SH2D4B: variants seen among roughly 807,000 people sequenced by gnomAD.
The protein encoded by SH2D4B is SH2 domain containing 4B.
A neutral mutation model predicts 61.5 loss-of-function variants in SH2D4B; 45 were observed. The observed-to-expected ratio is 0.73, with a 90% CI of 0.58 to 0.94. The LOEUF is 0.94. SH2D4B is among the 40% of genes least tolerant of loss of function. SH2D4B has a pLI of 0.00. For synonymous variants in SH2D4B, 224 were observed against 220.4 expected (o/e 1.02, Z -0.14); for missense variants, 572 against 574.2 (o/e 1.00, Z 0.04).
At chr10:80,609,330 T>A in intron 5 of SH2D4B, 94 bp from the exon 6 acceptor site, 1 of 949,744 alleles carries the variant, frequency 1.1e-6, no homozygotes. Flanking sequence ...TTTACCTTCC[T>A]CTCCCTTCCT....
chr10:80,610,962 G>A (rs1280196281), intron 6 of SH2D4B, among the ~76,000 whole-genome samples: 1 of 151,962 alleles, frequency 6.6e-6, no homozygotes, highest in African/African-American at 2.4e-5. Context: ...CTTGAGGTCA[G>A]GAGTTTGAAA....
Position 80,644,269 on chromosome 10 carries a change from G to C in SH2D4B, c.*184G>C. The C allele has an allele frequency of 1.8e-6, 1 of 563,166 alleles. No homozygotes were observed. The highest frequency in any genetic ancestry group is 3.1e-6 in the Non-Finnish European group (1 of 318,582). 34.9% of individuals were successfully genotyped at this position (563,166 alleles called of 1,614,324 possible). On this transcript the variant is annotated 3_prime_UTR_variant, in exon 8 of 8. Coordinates refer to ENST00000646907, the MANE Select transcript of SH2D4B (RefSeq NM_001388272.1). ...GGCTACTGGTCTCATCCCAGCGATC[G>C]GGACAGAAATTGCTAATAGCTCATG...
chr10:80,596,043 C>G (rs1039244160), intron 4 of SH2D4B, among the ~76,000 whole-genome samples: 1 of 152,178 alleles, frequency 6.6e-6, no homozygotes, highest in East Asian at 1.9e-4. Flanking sequence ...CTCTGTTGAC[C>G]TCTTCCAGCC....
chr10:80,558,263 T>C (rs1438559541), intron 1 of SH2D4B, among the ~76,000 whole-genome samples: 2 of 152,184 alleles, frequency 1.3e-5, no homozygotes, highest in Admixed American at 6.5e-5. Context: ...CTGAGAATCC[T>C]ATCTATCTGG....
At chr10:80,600,346 T>C (rs951555793) in intron 4 of SH2D4B, among the ~76,000 whole-genome samples, 4 of 152,256 alleles carry the variant, frequency 2.6e-5, no homozygotes, top group African/African-American at 9.6e-5. Context: ...CTCTGCAGGA[T>C]GTAACCGGAT....
intron 1 of SH2D4B, among the ~76,000 whole-genome samples, chr10:80,545,731 T>C (rs563663506): frequency 6.6e-6 from 1 of 152,190 alleles, no homozygotes; most frequent in South Asian, 2.1e-4. Flanking sequence ...CTAAGGTGCT[T>C]AAATGTGTGC....
intron 1 of SH2D4B, among the ~76,000 whole-genome samples, chr10:80,555,704 T>C (rs564293738): frequency 6.6e-6 from 1 of 152,270 alleles, no homozygotes; most frequent in African/African-American, 2.4e-5. Context: ...GGCCTGAAGC[T>C]TTCCTAGTTT....
intron 5 of SH2D4B, among the ~76,000 whole-genome samples, chr10:80,606,579 C>T (rs141849839): frequency 6.6e-6 from 1 of 152,154 alleles, no homozygotes; most frequent in Non-Finnish European, 1.5e-5. Context: ...AACTCCTGAC[C>T]TCAGGTGATC....
chr10:80,538,550 C>T lies in SH2D4B; in HGVS notation c.184+35C>T, dbSNP rs939407559. ...TGGGAGTCACAGAGAGGTAGGCCAC[C>T]AGTCCCCCAGGAGGTAGAAAAATTA... On this transcript the variant is annotated intron_variant, in intron 1 of 7. Transcript: ENST00000646907. This position sits in a 1 kb window ranked among gnomAD's most constrained non-coding sequence, Gnocchi z 4.8. 2 of 1,328,044 alleles carry T rather than the reference C, an allele frequency of 1.5e-6. No individual in the cohort carries two copies. Among genetic ancestry groups the T allele is most frequent in the African/African-American group, 3.0e-5 (2 of 66,364 alleles). 82.3% of individuals were successfully genotyped at this position (1,328,044 alleles called of 1,614,324 possible).
At chr10:80,617,073 C>T (rs1051534623) in intron 6 of SH2D4B, among the ~76,000 whole-genome samples, 1 of 152,216 alleles carries the variant, frequency 6.6e-6, no homozygotes, top group Non-Finnish European at 1.5e-5. Context: ...GGATTCAAAC[C>T]CAGGTGATCT....
chr10:80,542,588 G>A (rs1407880939), intron 1 of SH2D4B, among the ~76,000 whole-genome samples: 1 of 151,694 alleles, frequency 6.6e-6, no homozygotes, highest in Non-Finnish European at 1.5e-5. Flanking sequence ...TAGAGACATG[G>A]TTTCATCATG....
chr10:80,572,975 TA>T lies in SH2D4B; in HGVS notation c.495+1398del, dbSNP rs1564771972. 7.8e-3 allele frequency among the ~76,000 whole-genome samples: 80 copies of T among 10,286 alleles called. 2 individuals carry two copies. Among genetic ancestry groups the T allele is most frequent in the Non-Finnish European group, 0.011 (64 of 5,890 alleles). The allele number at this position is 10,286 out of a possible 152,430, so 6.7% of individuals were successfully genotyped here. On this transcript the variant is annotated intron_variant, in intron 3 of 7. Coordinates refer to ENST00000646907, the MANE Select transcript of SH2D4B (RefSeq NM_001388272.1). ...ATATATATATATATATATATATATA[TA>T]TATATATATATTTTTTTTTTTTTTT...
chr10:80,600,957 G>A (rs560097222), intron 4 of SH2D4B, among the ~76,000 whole-genome samples: 12 of 152,252 alleles, frequency 7.9e-5, no homozygotes, highest in African/African-American at 2.9e-4. Context: ...TCCTGACCTT[G>A]TTGGAGCCTT....
intron 1 of SH2D4B, chr10:80,540,843 G>T: frequency 6.4e-7 from 1 of 1,551,162 alleles, no homozygotes; most frequent in South Asian, 1.2e-5. Flanking sequence ...GTGTCCCAGG[G>T]CGGGAATTGT....
At chr10:80,603,280 C>T (rs560428203) in intron 4 of SH2D4B, among the ~76,000 whole-genome samples, 1 of 152,242 alleles carries the variant, frequency 6.6e-6, no homozygotes, top group Non-Finnish European at 1.5e-5. Context: ...AATGGCGTCA[C>T]AGGAACAACC....
Position 80,538,268 on chromosome 10 carries a change from C to T in SH2D4B, c.-64C>T, listed in dbSNP as rs1841531217. ...CCGTAGTGCAGAGCAGCCCCTCGGG[C>T]GTTCTGCCTGGCCCTGCTTCCCCTG... is the stretch of plus-strand genomic sequence containing the variant. On this transcript the variant is annotated 5_prime_UTR_variant, in exon 1 of 8. Coordinates refer to ENST00000646907, the MANE Select transcript of SH2D4B (RefSeq NM_001388272.1). This position sits in a 1 kb window ranked among gnomAD's most constrained non-coding sequence, Gnocchi z 4.8. 4.8e-6 allele frequency: 6 copies of T among 1,253,654 alleles called. No homozygotes were observed. The highest frequency in any genetic ancestry group is 1.6e-5 in the African/African-American group (1 of 64,342). 77.7% of individuals were successfully genotyped at this position (1,253,654 alleles called of 1,614,324 possible). A position where few individuals can be genotyped will look rare whatever the true frequency, so the allele number is the denominator to read the frequency against.
Position 80,538,577 on chromosome 10 carries a change from C to T in SH2D4B, c.184+62C>T, listed in dbSNP as rs766795627. On this transcript the variant is annotated intron_variant, in intron 1 of 7. Coordinates refer to ENST00000646907, the MANE Select transcript of SH2D4B (RefSeq NM_001388272.1). This position sits in a 1 kb window ranked among gnomAD's most constrained non-coding sequence, Gnocchi z 4.8. ...GTCCCCCAGGAGGTAGAAAAATTAG[C>T]AGGGCCAGGCTGTGCCCTTCTTCAA... 7.8e-6 allele frequency: 10 copies of T among 1,276,826 alleles called. No homozygotes were observed. Among genetic ancestry groups the T allele is most frequent in the Non-Finnish European group, 1.0e-5 (10 of 992,490 alleles). 79.1% of individuals were successfully genotyped at this position (1,276,826 alleles called of 1,614,324 possible).
chr10:80,621,257 C>T (rs1292613752), intron 6 of SH2D4B, among the ~76,000 whole-genome samples: 1 of 152,226 alleles, frequency 6.6e-6, no homozygotes, highest in African/African-American at 2.4e-5. Flanking sequence ...AAACATCCTG[C>T]AGTGCACAAG....
At chr10:80,588,829 A>G in intron 4 of SH2D4B, 52 bp downstream of exon 4, 3 of 1,601,358 alleles carry the variant, frequency 1.9e-6, no homozygotes, top group Non-Finnish European at 2.6e-6. Flanking sequence ...CTCCCCACCC[A>G]CCTCCTCCCA....
Sources: allele counts gnomAD v4.1 joint callset (sites outside exome capture counted in the v4.1 genomes callset), GRCh38; gene constraint gnomAD v4.1.1; non-coding constraint Gnocchi (gnomAD v3.1); transcripts MANE v1.5; gene names NCBI Gene and HGNC (gene_info 2026-07-23, HGNC 2026-07-21).